SPADH: variants seen among roughly 807,000 people sequenced by gnomAD.
SPADH encodes the protein spermadhesin family member, also known as CUB domain-containing protein.
the SPADH span, among the ~76,000 whole-genome samples, chr10:122,676,246 A>G: frequency 6.6e-6 from 1 of 152,216 alleles, no homozygotes; most frequent in Non-Finnish European, 1.5e-5. Context: ...ACTGGAACAC[A>G]TTTGACCACT....
the SPADH span, among the ~76,000 whole-genome samples, chr10:122,674,197 C>A: frequency 6.6e-6 from 1 of 152,236 alleles, no homozygotes; most frequent in Non-Finnish European, 1.5e-5. Flanking sequence ...CCCCTCTTAA[C>A]CTCAGCTGTA....
chr10:122,676,604 G>A, the SPADH span, among the ~76,000 whole-genome samples: 9 of 152,164 alleles, frequency 5.9e-5, no homozygotes, highest in Admixed American at 2.0e-4. Context: ...CTTGTTTGTG[G>A]AGCCATCAGA....
At chr10:122,678,912 A>T in the SPADH span, 1 of 984,696 alleles carries the variant, frequency 1.0e-6, no homozygotes, top group Non-Finnish European at 1.2e-6. Context: ...GAGTCCTTGG[A>T]CAGGATTTGT....
the SPADH span, among the ~76,000 whole-genome samples, chr10:122,677,684 G>A: frequency 6.6e-6 from 1 of 152,190 alleles, no homozygotes; most frequent in African/African-American, 2.4e-5. Context: ...ACAGATGGTG[G>A]AACTGTGTGA....
At chr10:122,674,452 A>G in the SPADH span, among the ~76,000 whole-genome samples, 3 of 152,242 alleles carry the variant, frequency 2.0e-5, no homozygotes, top group Non-Finnish European at 4.4e-5. Context: ...ATGTCACTCA[A>G]TATGACAGGC....
chr10:122,673,829 C>T, the SPADH span, among the ~76,000 whole-genome samples: 2 of 152,210 alleles, frequency 1.3e-5, no homozygotes, highest in African/African-American at 2.4e-5. Flanking sequence ...ACTGCACACT[C>T]ACGTCAGGGG....
chr10:122,676,746 C>T, the SPADH span: 3 of 985,392 alleles, frequency 3.0e-6, no homozygotes, highest in Non-Finnish European at 3.6e-6. Context: ...CCCCGTTTCT[C>T]CTCTTGTAGC....
At chr10:122,678,514 C>T in the SPADH span, among the ~76,000 whole-genome samples, 1 of 152,110 alleles carries the variant, frequency 6.6e-6, no homozygotes, top group East Asian at 1.9e-4. Flanking sequence ...GTTTGGGGAA[C>T]TTGAAACACA....
the SPADH span, chr10:122,676,735 GC>G: frequency 4.1e-6 from 4 of 985,240 alleles, no homozygotes; most frequent in South Asian, 1.9e-4. Flanking sequence ...CAGTGCCTGG[GC>G]CCCGTTTCTC....
the SPADH span, among the ~76,000 whole-genome samples, chr10:122,678,649 G>A: frequency 1.3e-5 from 2 of 152,116 alleles, no homozygotes; most frequent in Non-Finnish European, 2.9e-5. Context: ...AGTTTTCTGG[G>A]AAGATGGAGG....
At chr10:122,676,251 A>C in the SPADH span, among the ~76,000 whole-genome samples, 1 of 152,312 alleles carries the variant, frequency 6.6e-6, no homozygotes, top group African/African-American at 2.4e-5. Context: ...AACACATTTG[A>C]CCACTCAAGG....
At chr10:122,677,341 A>G in the SPADH span, among the ~76,000 whole-genome samples, 1 of 152,184 alleles carries the variant, frequency 6.6e-6, no homozygotes, top group African/African-American at 2.4e-5. Context: ...CTCCATAACA[A>G]TAAAACCACT....
chr10:122,676,832 C>T, the SPADH span: 210 of 985,276 alleles, frequency 2.1e-4, 1 homozygote, highest in East Asian at 0.015. Flanking sequence ...AAACTGAATG[C>T]GTCTGGATCA....
At chr10:122,678,677 C>T in the SPADH span, among the ~76,000 whole-genome samples, 34 of 152,046 alleles carry the variant, frequency 2.2e-4, no homozygotes, top group African/African-American at 7.2e-4. Context: ...CGGGCCCCTG[C>T]TTGCGTTATT....
chr10:122,674,761 C>T, the SPADH span, among the ~76,000 whole-genome samples: 1,345 of 152,330 alleles, frequency 8.8e-3, 14 homozygotes, highest in African/African-American at 0.03. Flanking sequence ...TGCCAGGCTA[C>T]CCTGTGCTGG....
the SPADH span, chr10:122,676,725 C>T: frequency 1.0e-6 from 1 of 985,290 alleles, no homozygotes; most frequent in South Asian, 4.7e-5. Flanking sequence ...AGCATCCCTG[C>T]AGTGCCTGGG....
chr10:122,675,857 T>A, the SPADH span, among the ~76,000 whole-genome samples: 30 of 152,126 alleles, frequency 2.0e-4, no homozygotes, highest in African/African-American at 7.0e-4. Context: ...AGTGCTCCCC[T>A]CCATGAGACT....
At chr10:122,675,613 G>GT in the SPADH span, 174 of 973,468 alleles carry the variant, frequency 1.8e-4, no homozygotes, top group East Asian at 1.3e-3. Flanking sequence ...GATTTTCATG[G>GT]TTTTTTTTGT....
chr10:122,674,449 T>G, the SPADH span, among the ~76,000 whole-genome samples: 2 of 152,322 alleles, frequency 1.3e-5, no homozygotes, highest in South Asian at 4.1e-4. Flanking sequence ...GAAATGTCAC[T>G]CAATATGACA....
Sources: allele counts gnomAD v4.1 joint callset (sites outside exome capture counted in the v4.1 genomes callset), GRCh38; gene constraint gnomAD v4.1.1; transcripts MANE v1.5; gene names NCBI Gene and HGNC (gene_info 2026-07-23, HGNC 2026-07-21).